Variants in MYO9A observed in about 807,000 individuals in gnomAD.
MYO9A encodes the protein myosin IXA, also known as unconventional myosin-IXa.
MYO9A carries 103 observed loss-of-function variants against 293.3 expected under a neutral mutation model. The observed-to-expected ratio is 0.35, with a 90% CI of 0.30 to 0.41. MYO9A has a LOEUF of 0.41. Among genes scored for constraint, MYO9A ranks in the 10% least tolerant of loss-of-function variants. The pLI, the probability that MYO9A is intolerant of heterozygous loss-of-function variation, is 1.00. For missense variants in MYO9A, 2,685 were observed against 3,033.0 expected (o/e 0.89, Z 2.69); for synonymous variants, 1,001 against 1,035.7 (o/e 0.97, Z 0.64).
At chr15:71,832,252 G>A (rs2054758801) in intron 39 of MYO9A, among the ~76,000 whole-genome samples, 1 of 152,094 alleles carries the variant, frequency 6.6e-6, no homozygotes, top group Admixed American at 6.5e-5. Context: ...CTCCAGCCTG[G>A]GCAAATATCA....
At chr15:71,869,509 A>G (rs560952555) in intron 32 of MYO9A, among the ~76,000 whole-genome samples, 4 of 152,242 alleles carry the variant, frequency 2.6e-5, no homozygotes, top group African/African-American at 4.8e-5. Flanking sequence ...TTTAAAAGGC[A>G]TAACAATTAA....
chr15:72,113,800 A>G (rs930864847), intron 1 of MYO9A, among the ~76,000 whole-genome samples: 1 of 152,230 alleles, frequency 6.6e-6, no homozygotes, highest in Non-Finnish European at 1.5e-5. Flanking sequence ...CAGACTTGTT[A>G]GCAATCAATG....
In MYO9A at chr15:72,108,762, A is replaced by ATTTTTTTTTTTTTTT. The variant is rs3028363; in HGVS notation, c.-72+8903_-72+8917dup. ...GCAGTAAACTTGTCATGACACATAC[A>ATTTTTTTTTTTTTTT]TTTTTTTTTTTTTTTTTGAGACAGA... On this transcript the variant is annotated intron_variant, in intron 1 of 41. Transcript: ENST00000356056. 5.7e-5 allele frequency among the ~76,000 whole-genome samples: 8 copies of ATTTTTTTTTTTTTTT among 139,242 alleles called. 4 individuals carry two copies. The highest frequency in any genetic ancestry group is 6.1e-5 in the Non-Finnish European group (4 of 65,294). 91.3% of individuals were successfully genotyped at this position (139,242 alleles called of 152,430 possible).
chr15:72,017,212 C>T (rs1026996914), intron 6 of MYO9A, among the ~76,000 whole-genome samples: 1 of 151,764 alleles, frequency 6.6e-6, no homozygotes, highest in South Asian at 2.1e-4. Context: ...TAGGGTATTG[C>T]CTTGTTGCTC....
intron 1 of MYO9A, among the ~76,000 whole-genome samples, chr15:72,094,366 A>ATTT (rs3028399): frequency 1.1e-5 from 1 of 87,202 alleles, no homozygotes; most frequent in African/African-American, 2.7e-5. Context: ...ACAGATAGTG[A>ATTT]TTTTTTAACA....
intron 1 of MYO9A, among the ~76,000 whole-genome samples, chr15:72,080,038 C>A (rs2079491546): frequency 6.6e-6 from 1 of 152,150 alleles, no homozygotes; most frequent in East Asian, 1.9e-4. Flanking sequence ...CTTAGTTTGT[C>A]TGTAATGCCA....
In MYO9A at chr15:72,032,710, C is replaced by A. The variant is rs925842193; in HGVS notation, c.841-122G>T. 7.3e-6 allele frequency: 4 copies of A among 548,692 alleles called. No homozygotes were observed. The African/African-American group carries it at 7.8e-5, about 11-fold the overall frequency. 34.0% of individuals were successfully genotyped at this position (548,692 alleles called of 1,614,324 possible). A position where few individuals can be genotyped will look rare whatever the true frequency, so the allele number is the denominator to read the frequency against. Reference sequence around the variant, plus strand: ...AAATGTTAAAGAGACAGTAAAAAGACAATTTGCTTGTATGTTCAGACTCAT... The same window carrying A: ...AAATGTTAAAGAGACAGTAAAAAGAAAATTTGCTTGTATGTTCAGACTCAT... On this transcript the variant is annotated intron_variant, in intron 2 of 41. Transcript: ENST00000356056.
chr15:72,040,697 CG>C (rs1341766889), intron 2 of MYO9A, among the ~76,000 whole-genome samples: 1 of 151,952 alleles, frequency 6.6e-6, no homozygotes, highest in Non-Finnish European at 1.5e-5. Context: ...CCGAAGAACC[CG>C]GTATTTTCTA....
intron 1 of MYO9A, among the ~76,000 whole-genome samples, chr15:72,112,373 A>C (rs1267974414): frequency 2.0e-5 from 3 of 152,208 alleles, no homozygotes; most frequent in Non-Finnish European, 4.4e-5. Flanking sequence ...ATTCACATTA[A>C]AACCCAGAGG....
At chr15:71,835,250 GATCACT>G (rs1231079965) in intron 39 of MYO9A, among the ~76,000 whole-genome samples, 2 of 152,070 alleles carry the variant, frequency 1.3e-5, no homozygotes, top group Admixed American at 1.3e-4. Flanking sequence ...TGCCAGTAAT[GATCACT>G]ATCACCACTT....
At chr15:71,902,846 C>T in intron 22 of MYO9A, 95 bp downstream of exon 22, 1 of 994,412 alleles carries the variant, frequency 1.0e-6, no homozygotes, top group Non-Finnish European at 1.4e-6. Context: ...ATATCTGATT[C>T]ACTATCTTTT....
chr15:72,050,593 C>A (rs559232209), intron 1 of MYO9A, among the ~76,000 whole-genome samples: 5 of 152,108 alleles, frequency 3.3e-5, no homozygotes, highest in African/African-American at 1.2e-4. Context: ...GGTGACAGAG[C>A]AAGACTCCGT....
chr15:71,986,023 G>C (rs2076399258), intron 11 of MYO9A, among the ~76,000 whole-genome samples: 1 of 152,074 alleles, frequency 6.6e-6, no homozygotes, highest in African/African-American at 2.4e-5. Flanking sequence ...GAAAAAAGAG[G>C]GCAGTAATAC....
At chr15:71,950,062 G>T (rs1318366544) in intron 15 of MYO9A, among the ~76,000 whole-genome samples, 1 of 151,916 alleles carries the variant, frequency 6.6e-6, no homozygotes, top group Non-Finnish European at 1.5e-5. Flanking sequence ...ACTTGTGGGA[G>T]GATTCATTCA....
intron 1 of MYO9A, among the ~76,000 whole-genome samples, chr15:72,083,886 T>C (rs2079629074): frequency 6.6e-6 from 1 of 152,208 alleles, no homozygotes; most frequent in Non-Finnish European, 1.5e-5. Flanking sequence ...CTTCAGTTCT[T>C]TTGCATTTGC....
intron 26 of MYO9A, chr15:71,891,775 C>T (rs2057186134): frequency 6.6e-6 from 1 of 152,076 alleles, no homozygotes; most frequent in East Asian, 1.9e-4. Flanking sequence ...CTTCATAAAA[C>T]ATCACTTTTG....
intron 7 of MYO9A, among the ~76,000 whole-genome samples, chr15:72,008,511 T>C (rs2077084510): frequency 6.6e-6 from 1 of 151,496 alleles, no homozygotes; most frequent in African/African-American, 2.4e-5. Flanking sequence ...TGTGTATGTG[T>C]GTGTGTAAGT....
chr15:72,082,793 GTTT>G (rs1002779343), intron 1 of MYO9A, among the ~76,000 whole-genome samples: 1 of 151,134 alleles, frequency 6.6e-6, no homozygotes, highest in Admixed American at 6.6e-5. Context: ...TAATCATGTG[GTTT>G]TTTTAGTTGT....
intron 1 of MYO9A, among the ~76,000 whole-genome samples, chr15:72,101,697 T>C: frequency 1.8e-5 from 2 of 109,072 alleles, no homozygotes; most frequent in African/African-American, 7.2e-5. Flanking sequence ...GTGGGGGGGG[T>C]CAGCCCCCCG....
Sources: gnomAD v4.1 joint callset for allele counts (sites outside exome capture counted in the v4.1 genomes callset) on GRCh38, gnomAD v4.1.1 for gene constraint, MANE v1.5 for transcripts, NCBI Gene and HGNC (gene_info 2026-07-23, HGNC 2026-07-21) for gene names.